Variants in ZNF438 observed in about 807,000 individuals in gnomAD.
The protein encoded by ZNF438 is zinc finger protein 438.
In ZNF438, 25 loss-of-function variants were observed where a neutral mutation model predicts 38.0. That is an observed-to-expected ratio of 0.66 (90% CI 0.48 to 0.92). ZNF438 has a LOEUF of 0.92. Ranked by LOEUF, ZNF438 falls within the 40% of genes least tolerant of loss-of-function variation. The pLI, the probability that ZNF438 is intolerant of heterozygous loss-of-function variation, is 0.00. For synonymous variants in ZNF438, 372 were observed against 364.1 expected, an observed-to-expected ratio of 1.02 and a Z score of -0.25; for missense variants, 1,007 against 999.6, an observed-to-expected ratio of 1.01 and a Z score of -0.10.
intron 3 of ZNF438, among the ~76,000 whole-genome samples, chr10:30,890,148 A>C (rs2040509022): frequency 1.3e-5 from 2 of 152,018 alleles, no homozygotes; most frequent in East Asian, 1.9e-4. Flanking sequence ...AGTCCAAAAA[A>C]CATTATTTCC....
At chr10:31,018,612 C>T (rs569055380) in intron 1 of ZNF438, among the ~76,000 whole-genome samples, 11 of 152,294 alleles carry the variant, frequency 7.2e-5, no homozygotes, top group African/African-American at 1.9e-4. Flanking sequence ...CCACTTCAGG[C>T]GCCAATTTTT....
intron 3 of ZNF438, among the ~76,000 whole-genome samples, chr10:30,893,942 C>A (rs923491990): frequency 6.6e-6 from 1 of 152,062 alleles, no homozygotes; most frequent in South Asian, 2.1e-4. Flanking sequence ...AACACTGTGA[C>A]CCTAGCTAAA....
At chr10:30,981,844 C>T (rs996222811) in intron 1 of ZNF438, among the ~76,000 whole-genome samples, 4 of 149,972 alleles carry the variant, frequency 2.7e-5, no homozygotes, top group East Asian at 2.0e-4. Flanking sequence ...TGCCATTGCA[C>T]GCCAGCATGG....
chr10:30,883,430 T>C (rs924893980), intron 3 of ZNF438, among the ~76,000 whole-genome samples: 5 of 152,122 alleles, frequency 3.3e-5, no homozygotes, highest in Non-Finnish European at 7.4e-5. Flanking sequence ...TCATTACCTT[T>C]AAAGAAATGT....
At chr10:30,860,616 C>G (rs17295437) in intron 4 of ZNF438, among the ~76,000 whole-genome samples, 1 of 152,096 alleles carries the variant, frequency 6.6e-6, no homozygotes, top group Non-Finnish European at 1.5e-5. Context: ...TAATCCAATC[C>G]GTCTTGCCAG....
chr10:30,995,754 G>A (rs530046182), intron 1 of ZNF438, among the ~76,000 whole-genome samples: 2 of 152,240 alleles, frequency 1.3e-5, no homozygotes, highest in Admixed American at 1.3e-4. Flanking sequence ...AAGCAGGTGA[G>A]AACAAAGTTC....
At chr10:30,877,357 G>C (rs1445606488) in intron 3 of ZNF438, among the ~76,000 whole-genome samples, 1 of 152,150 alleles carries the variant, frequency 6.6e-6, no homozygotes, top group Non-Finnish European at 1.5e-5. Context: ...GCAAAGTTAG[G>C]ATTCTCTGAA....
intron 4 of ZNF438, among the ~76,000 whole-genome samples, chr10:30,861,678 C>T (rs2035603077): frequency 3.5e-5 from 2 of 57,696 alleles, no homozygotes; most frequent in Admixed American, 1.4e-4. Flanking sequence ...AATTATGAAG[C>T]TTTTATTAGT....
intron 2 of ZNF438, among the ~76,000 whole-genome samples, chr10:30,912,000 T>C (rs967558814): frequency 1.3e-5 from 2 of 152,304 alleles, no homozygotes; most frequent in African/African-American, 4.8e-5. Context: ...CTTGTTTATA[T>C]ATTCAACCTC....
chr10:30,920,169 C>A (rs2044131001), intron 2 of ZNF438: 1 of 152,224 alleles, frequency 6.6e-6, no homozygotes, highest in Non-Finnish European at 1.5e-5. Flanking sequence ...GGATGAACAA[C>A]ATATTGTTAT....
At chr10:30,855,636 C>T (rs2034487408) in intron 4 of ZNF438, among the ~76,000 whole-genome samples, 2 of 152,138 alleles carry the variant, frequency 1.3e-5, no homozygotes, top group Admixed American at 1.3e-4. Context: ...AGAAAAAACC[C>T]TCGTAATTAC....
chr10:30,910,805 C>G (rs1409686932), intron 2 of ZNF438, among the ~76,000 whole-genome samples: 1 of 151,318 alleles, frequency 6.6e-6, no homozygotes, highest in Non-Finnish European at 1.5e-5. Flanking sequence ...TCTGTGGTTC[C>G]TAGGCCAATC....
chr10:30,859,498 GT>G (rs1294418962), intron 4 of ZNF438, among the ~76,000 whole-genome samples: 1 of 152,178 alleles, frequency 6.6e-6, no homozygotes, highest in East Asian at 1.9e-4. Flanking sequence ...ACTATGTGTG[GT>G]TATGGCCAGC....
chr10:31,025,950 T>G (rs1299811944), intron 1 of ZNF438, among the ~76,000 whole-genome samples: 1 of 152,112 alleles, frequency 6.6e-6, no homozygotes, highest in East Asian at 1.9e-4. Flanking sequence ...TAAAAGTGAT[T>G]GCAAGAAGTA....
intron 3 of ZNF438, among the ~76,000 whole-genome samples, chr10:30,885,024 C>T (rs78758226): frequency 0.065 from 9,830 of 152,082 alleles, 1,005 homozygotes; most frequent in African/African-American, 0.22. Flanking sequence ...CACAGAGTTG[C>T]GATGTAGATG....
At chr10:30,976,778 G>C (rs1400933874) in intron 1 of ZNF438, among the ~76,000 whole-genome samples, 2 of 150,106 alleles carry the variant, frequency 1.3e-5, no homozygotes, top group East Asian at 1.9e-4. Flanking sequence ...TCTGATAAAA[G>C]GTATAATCCT....
At chr10:30,906,404 T>C (rs992717397) in intron 3 of ZNF438, among the ~76,000 whole-genome samples, 1 of 152,236 alleles carries the variant, frequency 6.6e-6, no homozygotes, top group South Asian at 2.1e-4. Flanking sequence ...ATAAATACAA[T>C]TGATCTTTAT....
chr10:30,862,831 T>A (rs1221425046), intron 4 of ZNF438, among the ~76,000 whole-genome samples: 1 of 152,182 alleles, frequency 6.6e-6, no homozygotes, highest in Non-Finnish European at 1.5e-5. Context: ...GTGGTAAAGA[T>A]CACAATGTTT....
At chr10:31,001,672 T>C (rs2054670839) in intron 1 of ZNF438, among the ~76,000 whole-genome samples, 2 of 152,246 alleles carry the variant, frequency 1.3e-5, no homozygotes, top group Non-Finnish European at 2.9e-5. Context: ...CATTCTGTAT[T>C]TGGTTACAAA....
Sources: allele counts gnomAD v4.1 joint callset (sites outside exome capture counted in the v4.1 genomes callset), GRCh38; gene constraint gnomAD v4.1.1; transcripts MANE v1.5; gene names NCBI Gene and HGNC (gene_info 2026-07-23, HGNC 2026-07-21).